Variants in TMEM106B observed in about 807,000 individuals in gnomAD.
TMEM106B encodes the protein transmembrane protein 106B.
Under a neutral mutation model 31.1 loss-of-function variants are expected in TMEM106B, and 15 were observed. The ratio of observed to expected loss-of-function variants is 0.48; its 90% confidence interval spans 0.32 to 0.74. The LOEUF is 0.74. Among genes scored for constraint, TMEM106B ranks in the 30% least tolerant of loss-of-function variants. The pLI, the probability that TMEM106B is intolerant of heterozygous loss-of-function variation, is 0.03. For synonymous variants in TMEM106B, 126 were observed against 112.5 expected (o/e 1.12, Z -0.76); for missense variants, 283 against 327.3 (o/e 0.86, Z 1.04).
intron 4 of TMEM106B, among the ~76,000 whole-genome samples, chr7:12,228,640 C>T (rs899143938): frequency 5.3e-5 from 8 of 151,694 alleles, no homozygotes; most frequent in African/African-American, 1.5e-4. Flanking sequence ...TAGGATTGCC[C>T]GATCAAAGTC....
chr7:12,239,388 GT>G lies in TMEM106B; in HGVS notation c.*7416del, dbSNP rs1199542943. On this transcript the variant is annotated 3_prime_UTR_variant, in exon 8 of 8. Transcript: ENST00000396668. The stretch of plus-strand genomic sequence containing the variant: ...ACATTCCCATATCGGCAATAAGGCT[GT>G]TTGATTTTCTTATCATTCATGTTTT... The G allele has an allele frequency of 6.6e-6, 1 of 152,114 alleles. No individual in the cohort carries two copies. Among genetic ancestry groups the G allele is most frequent in the Non-Finnish European group, 1.5e-5 (1 of 68,008 alleles). The allele number at this position is 152,114 out of a possible 1,614,324, so 9.4% of individuals were successfully genotyped here. A position where few individuals can be genotyped will look rare whatever the true frequency, so the allele number is the denominator to read the frequency against.
At chr7:12,218,582 C>A in intron 3 of TMEM106B, 61 bp downstream of exon 3, 3 of 1,395,920 alleles carry the variant, frequency 2.1e-6, no homozygotes, top group South Asian at 1.3e-5. Context: ...TGTATTTTTT[C>A]AAATTATGTA....
chr7:12,211,851 A>T (rs1781584576), intron 1 of TMEM106B, among the ~76,000 whole-genome samples: 3 of 152,224 alleles, frequency 2.0e-5, no homozygotes, highest in African/African-American at 7.2e-5. Context: ...TACACAGAAG[A>T]TCAGGAGCCA....
chr7:12,213,175 A>T (rs188562675), intron 1 of TMEM106B, among the ~76,000 whole-genome samples: 1 of 152,092 alleles, frequency 6.6e-6, no homozygotes. Flanking sequence ...TGTTATTTTG[A>T]TACTCTTATC....
In TMEM106B at chr7:12,238,892, A is replaced by G. The variant is rs1053848435; in HGVS notation, c.*6917A>G. On this transcript the variant is annotated 3_prime_UTR_variant, in exon 8 of 8. Coordinates refer to ENST00000396668, the MANE Select transcript of TMEM106B (RefSeq NM_001134232.2). ...AGTAGGTAAAAGTTTTAAGGGTCCT[A>G]GGATTTTCAGGATGGCAAATGAGCA... 6 of 152,270 alleles carry G rather than the reference A, an allele frequency of 3.9e-5. No homozygotes were observed. The highest frequency in any genetic ancestry group is 1.4e-4 in the African/African-American group (6 of 41,558). 9.4% of individuals were successfully genotyped at this position (152,270 alleles called of 1,614,324 possible).
At position 12,240,575 on chromosome 7, in the gene TMEM106B, A is replaced by C. The variant is rs748815609; in HGVS notation, c.*8600A>C. On this transcript the variant is annotated 3_prime_UTR_variant, in exon 8 of 8. Transcript: ENST00000396668. ...TGCCCAAAATTATCTCTGTAGAATA[A>C]TATGGAAAAACGAAAATGAAAAGAT... is the stretch of plus-strand genomic sequence containing the variant. 1 of 152,172 alleles carries C rather than the reference A, an allele frequency of 6.6e-6. No homozygotes were observed. Among genetic ancestry groups the C allele is most frequent in the South Asian group, 2.1e-4 (1 of 4,834 alleles). 9.4% of individuals were successfully genotyped at this position (152,172 alleles called of 1,614,324 possible).
chr7:12,217,757 GA>G (rs1275526407), intron 2 of TMEM106B, among the ~76,000 whole-genome samples: 1 of 152,130 alleles, frequency 6.6e-6, no homozygotes, highest in Non-Finnish European at 1.5e-5. Context: ...AAGCATTTTA[GA>G]AAGCTTTTAA....
chr7:12,227,882 A>G (rs569243932), intron 4 of TMEM106B, among the ~76,000 whole-genome samples: 2 of 151,736 alleles, frequency 1.3e-5, no homozygotes, highest in African/African-American at 4.8e-5. Flanking sequence ...TTGTATTCTC[A>G]ACCTGTATTA....
rs986526038 is a variant in TMEM106B at position 12,238,401 on chromosome 7, A to G, written c.*6426A>G. ...CTTCACTGAAGTCATGAACCCCTCA[A>G]AATTATCCATGAGAGTTGAAATCAA... On this transcript the variant is annotated 3_prime_UTR_variant, in exon 8 of 8. Coordinates refer to ENST00000396668, the MANE Select transcript of TMEM106B (RefSeq NM_001134232.2). 2.6e-5 allele frequency: 4 copies of G among 152,168 alleles called. No homozygotes were observed. The highest frequency in any genetic ancestry group is 2.0e-4 in the Admixed American group (3 of 15,256). The allele number at this position is 152,168 out of a possible 1,614,324, so 9.4% of individuals were successfully genotyped here.
rs914728029 is a variant in TMEM106B, at chr7:12,235,742, GTTTGT to G, written c.*3769_*3773del. 7 of 151,594 alleles carry G rather than the reference GTTTGT, an allele frequency of 4.6e-5. No individual in the cohort carries two copies. Among genetic ancestry groups the G allele is most frequent in the African/African-American group, 1.7e-4 (7 of 41,376 alleles). 9.4% of individuals were successfully genotyped at this position (151,594 alleles called of 1,614,324 possible). ...TAATTATATTTTATTTAAGAAAATA[GTTTGT>G]TAGGTACTTTTTAAAAGATGTAAAT... On this transcript the variant is annotated 3_prime_UTR_variant, in exon 8 of 8. Coordinates refer to ENST00000396668, the MANE Select transcript of TMEM106B (RefSeq NM_001134232.2).
rs1782265077 is a variant in TMEM106B at position 12,243,274 on chromosome 7, T to C, written c.*11299T>C. 6.6e-6 allele frequency: 1 copy of C among 152,084 alleles called. No homozygotes were observed. The highest frequency in any genetic ancestry group is 2.1e-4 in the South Asian group (1 of 4,832). 9.4% of individuals were successfully genotyped at this position (152,084 alleles called of 1,614,324 possible). A position where few individuals can be genotyped will look rare whatever the true frequency, so the allele number is the denominator to read the frequency against. On this transcript the variant is annotated 3_prime_UTR_variant, in exon 8 of 8. Coordinates refer to ENST00000396668, the MANE Select transcript of TMEM106B (RefSeq NM_001134232.2). ...TGTATGAAGAAGATTGTATGAACGATCACATTAATTCATTTAAATAGTATG... is the reference window on the plus strand; with the variant it reads ...TGTATGAAGAAGATTGTATGAACGACCACATTAATTCATTTAAATAGTATG...
At position 12,234,985 on chromosome 7, in the gene TMEM106B, G is replaced by A. The variant is rs1470501609; in HGVS notation, c.*3010G>A. 6.6e-6 allele frequency: 1 copy of A among 151,804 alleles called. No individual in the cohort carries two copies. Among genetic ancestry groups the A allele is most frequent in the African/African-American group, 2.4e-5 (1 of 41,396 alleles). 9.4% of individuals were successfully genotyped at this position (151,804 alleles called of 1,614,324 possible). A position where few individuals can be genotyped will look rare whatever the true frequency, so the allele number is the denominator to read the frequency against. On this transcript the variant is annotated 3_prime_UTR_variant, in exon 8 of 8. Transcript: ENST00000396668. ...AAGTATCTCTGTCTCCCATATCTGT[G>A]TTCTATCATTTAAAATATATATTGG...
chr7:12,229,026 A>G (rs1354252028), intron 4 of TMEM106B, among the ~76,000 whole-genome samples: 2 of 151,874 alleles, frequency 1.3e-5, no homozygotes, highest in Non-Finnish European at 2.9e-5. Context: ...GCTTACAAAT[A>G]TTTCTTTTAT....
intron 2 of TMEM106B, among the ~76,000 whole-genome samples, chr7:12,218,129 C>T (rs748939684): frequency 3.3e-4 from 50 of 151,920 alleles, no homozygotes; most frequent in Non-Finnish European, 5.7e-4. Context: ...AAATCAGAGT[C>T]TTAATGGACA....
chr7:12,241,651 T>C lies in TMEM106B; in HGVS notation c.*9676T>C, dbSNP rs766165509. On this transcript the variant is annotated 3_prime_UTR_variant, in exon 8 of 8. Coordinates refer to ENST00000396668, the MANE Select transcript of TMEM106B (RefSeq NM_001134232.2). ...CACATTTTCTTTATCCAGTCTATCA[T>C]TGATGGACATTTGGGTTGGTTCCAA... 3.3e-5 allele frequency: 5 copies of C among 152,224 alleles called. No homozygotes were observed. The highest frequency in any genetic ancestry group is 7.2e-5 in the African/African-American group (3 of 41,452). 9.4% of individuals were successfully genotyped at this position (152,224 alleles called of 1,614,324 possible).
intron 5 of TMEM106B, 96 bp from the exon 6 acceptor site, chr7:12,230,293 G>C: frequency 1.1e-6 from 1 of 896,812 alleles, no homozygotes. Context: ...CTTGTAAAAG[G>C]AGAAAAATTT....
intron 3 of TMEM106B, among the ~76,000 whole-genome samples, chr7:12,221,691 T>G (rs1781790764): frequency 6.6e-6 from 1 of 152,208 alleles, no homozygotes; most frequent in South Asian, 2.1e-4. Context: ...GGTTCCAGCC[T>G]GCAGCACAAG....
intron 6 of TMEM106B, 140 bp downstream of exon 6, chr7:12,230,578 CTG>C (rs1156480282): frequency 5.4e-6 from 3 of 553,520 alleles, no homozygotes; most frequent in Non-Finnish European, 9.3e-6. Flanking sequence ...CTGGTCCTCT[CTG>C]TTCCTCTTTT....
At position 12,231,923 on chromosome 7, in the gene TMEM106B, C is replaced by T. The variant is rs765269149; in HGVS notation, c.773C>T (p.Thr258Ile). ...TATGTCGACTGTGGAAGAAACACAA[C>T]TTATCAGTTGGGGCAGTCTGAATAT... ...YQYVDCGRNT[T>I]YQLGQSEYLN... Residue 258 changes from threonine (T) to isoleucine (I), a missense_variant, in exon 8 of 8, where the codon ACT becomes ATT. Physicochemically the swap from Thr to Ile is moderately conservative, Grantham distance 89. Around this residue, in one of 3 missense-constraint regions of TMEM106B, gnomAD observed 201 missense variants for 211.5 expected, o/e 0.95. Coordinates refer to ENST00000396668, the MANE Select transcript of TMEM106B (RefSeq NM_001134232.2). 6.2e-7 allele frequency: 1 copy of T among 1,612,472 alleles called. No homozygotes were observed. Among genetic ancestry groups the T allele is most frequent in the South Asian group, 1.1e-5 (1 of 90,942 alleles).
Sources: allele counts gnomAD v4.1 joint callset (sites outside exome capture counted in the v4.1 genomes callset), GRCh38; gene constraint gnomAD v4.1.1; regional missense constraint gnomAD v4.1.1; transcripts MANE v1.5; gene names NCBI Gene and HGNC (gene_info 2026-07-23, HGNC 2026-07-21).